GABBR2: variants seen among roughly 807,000 people sequenced by gnomAD.
GABBR2 encodes the protein gamma-aminobutyric acid type B receptor subunit 2, also known as G-protein coupled receptor 51.
GABBR2 carries 23 observed loss-of-function variants against 105.6 expected under a neutral mutation model. The ratio of observed to expected loss-of-function variants is 0.22; its 90% CI spans 0.16 to 0.31. The LOEUF is 0.31. Ranked by LOEUF, GABBR2 falls within the 10% of genes least tolerant of loss-of-function variation. The probability of loss-of-function intolerance (pLI) is 1.00; values close to 1 mark genes in which losing one functional copy is unlikely to be tolerated. For synonymous variants in GABBR2, 478 were observed against 499.7 expected, an observed-to-expected ratio of 0.96 and a Z score of 0.58; for missense variants, 734 against 1,245.5, an observed-to-expected ratio of 0.59 and a Z score of 6.18.
At chr9:98,556,668 C>T (rs1166489927) in intron 2 of GABBR2, among the ~76,000 whole-genome samples, 4 of 152,166 alleles carry the variant, frequency 2.6e-5, no homozygotes, top group Non-Finnish European at 1.5e-5. Flanking sequence ...GCAAACCCGC[C>T]ACCAACCTGC....
chr9:98,462,862 AT>A (rs1372961496), intron 6 of GABBR2, among the ~76,000 whole-genome samples: 1 of 152,196 alleles, frequency 6.6e-6, no homozygotes, highest in African/African-American at 2.4e-5. Context: ...CCAGAATTAA[AT>A]CAAACAAAAT....
chr9:98,644,668 C>T (rs758621934), intron 1 of GABBR2, among the ~76,000 whole-genome samples: 1 of 152,024 alleles, frequency 6.6e-6, no homozygotes, highest in Non-Finnish European at 1.5e-5. Context: ...ATAGCGAAAC[C>T]CCATCTCTAC....
At chr9:98,579,701 G>T (rs975979152) in intron 1 of GABBR2, among the ~76,000 whole-genome samples, 5 of 152,132 alleles carry the variant, frequency 3.3e-5, no homozygotes, top group Non-Finnish European at 7.3e-5. Context: ...CTGCAGGATG[G>T]CAAAGTGGAT....
chr9:98,634,986 G>T (rs1037864424), intron 1 of GABBR2, among the ~76,000 whole-genome samples: 1 of 152,068 alleles, frequency 6.6e-6, no homozygotes, highest in Non-Finnish European at 1.5e-5. Flanking sequence ...GTAATCCCTA[G>T]CTTCCAGCCT....
intron 3 of GABBR2, among the ~76,000 whole-genome samples, chr9:98,530,377 C>T (rs925852284): frequency 2.6e-5 from 4 of 152,194 alleles, no homozygotes; most frequent in African/African-American, 7.2e-5. Flanking sequence ...CTGGCTTCCT[C>T]TTCTTCACAA....
intron 1 of GABBR2, among the ~76,000 whole-genome samples, chr9:98,694,877 C>CATCA (rs1291059245): frequency 1.3e-5 from 2 of 152,214 alleles, no homozygotes; most frequent in African/African-American, 4.8e-5. Context: ...CATTAGAGAG[C>CATCA]ATCAGCATTG....
At chr9:98,321,373 A>G (rs1830819602) in intron 13 of GABBR2, among the ~76,000 whole-genome samples, 1 of 152,300 alleles carries the variant, frequency 6.6e-6, no homozygotes, top group Middle Eastern at 3.4e-3. Context: ...AGACACTCCC[A>G]GGCCTGGTTG....
At chr9:98,331,396 CTTT>C (rs142735341) in intron 13 of GABBR2, among the ~76,000 whole-genome samples, 1,082 of 76,020 alleles carry the variant, frequency 0.014, 6 homozygotes, top group African/African-American at 0.05. Context: ...AGTCCCTCTT[CTTT>C]TTTTTTTTTT....
In GABBR2 at chr9:98,396,788, ACCGCACCCCGG is replaced by A. The variant is rs1832299828; in HGVS notation, c.1298-2544_1298-2534del. Among the ~76,000 whole-genome samples, 4 of 152,066 alleles carry A rather than the reference ACCGCACCCCGG, an allele frequency of 2.6e-5. No individual in the cohort carries two copies. The South Asian group carries it at 6.2e-4, about 24-fold the overall frequency. On this transcript the variant is annotated intron_variant, in intron 8 of 18. Transcript: ENST00000259455. ...TGGGGAATGGTGTGGCTGGCACCCCACCGCACCCCGGCCACACAGCCTGCCCCTCTGACTCA... is the reference window on the plus strand; with the variant it reads ...TGGGGAATGGTGTGGCTGGCACCCCACCACACAGCCTGCCCCTCTGACTCA...
rs183480734 is a variant in GABBR2, at chr9:98,698,083, A to C, written c.321+10334T>G. On this transcript the variant is annotated intron_variant, in intron 1 of 18. Coordinates refer to ENST00000259455, the MANE Select transcript of GABBR2 (RefSeq NM_005458.8). ...CAAGTGGATCATAAGAAGAGTGTGA[A>C]AAATATCATTTTTCTCTGTGCCACC... 1.3e-3 allele frequency among the ~76,000 whole-genome samples: 205 copies of C among 152,328 alleles called. 1 individual carries two copies. Among genetic ancestry groups the C allele is most frequent in the African/African-American group, 4.6e-3 (193 of 41,572 alleles).
intron 1 of GABBR2, among the ~76,000 whole-genome samples, chr9:98,664,938 C>A (rs1588274574): frequency 6.6e-6 from 1 of 152,124 alleles, no homozygotes; most frequent in South Asian, 2.1e-4. Context: ...CCAGACTGGG[C>A]AACATAGTGA....
intron 1 of GABBR2, among the ~76,000 whole-genome samples, chr9:98,619,653 C>T (rs1829641436): frequency 6.6e-6 from 1 of 152,152 alleles, no homozygotes; most frequent in Non-Finnish European, 1.5e-5. Flanking sequence ...TTCCAGAACT[C>T]TCCTTCCTGT....
intron 7 of GABBR2, among the ~76,000 whole-genome samples, chr9:98,415,303 G>A (rs2131545704): frequency 6.6e-6 from 1 of 152,054 alleles, no homozygotes; most frequent in East Asian, 1.9e-4. Context: ...GTGATAAGGA[G>A]GCACATTTTA....
At chr9:98,490,815 C>T (rs1048715854) in intron 4 of GABBR2, among the ~76,000 whole-genome samples, 12 of 152,306 alleles carry the variant, frequency 7.9e-5, no homozygotes, top group South Asian at 2.1e-4. Flanking sequence ...TTCCCAGCCC[C>T]GCCTGGAAAC....
At chr9:98,571,223 A>G (rs899897573) in intron 2 of GABBR2, among the ~76,000 whole-genome samples, 1 of 152,134 alleles carries the variant, frequency 6.6e-6, no homozygotes, top group Non-Finnish European at 1.5e-5. Context: ...TGGCAGCATG[A>G]AGGGGCAGGA....
At chr9:98,665,413 T>C (rs1464215208) in intron 1 of GABBR2, among the ~76,000 whole-genome samples, 2 of 152,218 alleles carry the variant, frequency 1.3e-5, no homozygotes, top group Admixed American at 1.3e-4. Flanking sequence ...TTGGGAATAC[T>C]GTTCTGACCC....
intron 13 of GABBR2, among the ~76,000 whole-genome samples, chr9:98,359,303 C>G (rs1218820438): frequency 6.6e-6 from 1 of 152,092 alleles, no homozygotes; most frequent in African/African-American, 2.4e-5. Context: ...TGGTGCACAC[C>G]TGTAGTCCCA....
At chr9:98,527,432 C>T (rs926496376) in intron 3 of GABBR2, among the ~76,000 whole-genome samples, 2 of 151,928 alleles carry the variant, frequency 1.3e-5, no homozygotes, top group African/African-American at 4.8e-5. Context: ...ATTCTTGCTC[C>T]AGATGTTATT....
chr9:98,534,332 GC>G (rs1828126129), intron 3 of GABBR2, among the ~76,000 whole-genome samples: 1 of 15,772 alleles, frequency 6.3e-5, no homozygotes, highest in Non-Finnish European at 1.7e-4. Flanking sequence ...GAGTCTTGGA[GC>G]TTGGAGCTTG....
Sources: gnomAD v4.1 joint callset for allele counts (sites outside exome capture counted in the v4.1 genomes callset) on GRCh38, gnomAD v4.1.1 for gene constraint, MANE v1.5 for transcripts, NCBI Gene and HGNC (gene_info 2026-07-23, HGNC 2026-07-21) for gene names.